EML5: variants seen among roughly 807,000 people sequenced by gnomAD.
EML5 encodes EMAP like 5.
Under a neutral mutation model 250.0 loss-of-function variants are expected in EML5, and 120 were observed. The observed-to-expected ratio is 0.48, with a 90% CI of 0.41 to 0.56. The LOEUF is 0.56. Among genes scored for constraint, EML5 ranks in the 20% least tolerant of loss-of-function variants. EML5 has a pLI of 0.00. For missense variants in EML5, 2,006 were observed against 2,437.6 expected (o/e 0.82, Z 3.73); for synonymous variants, 771 against 806.5 (o/e 0.96, Z 0.75).
At chr14:88,692,287 GAA>G (rs1226221873) in intron 17 of EML5, among the ~76,000 whole-genome samples, 11 of 152,092 alleles carry the variant, frequency 7.2e-5, no homozygotes, top group East Asian at 3.9e-4. Flanking sequence ...TGAGGCAGGA[GAA>G]TCACTTGAAC....
At chr14:88,677,266 CT>C (rs2092616374) in intron 21 of EML5, among the ~76,000 whole-genome samples, 1 of 152,100 alleles carries the variant, frequency 6.6e-6, no homozygotes, top group Admixed American at 6.6e-5. Context: ...AAAATTGAAG[CT>C]GGACCCCTTC....
chr14:88,739,536 C>G (rs973479600), intron 5 of EML5, among the ~76,000 whole-genome samples: 5 of 151,906 alleles, frequency 3.3e-5, no homozygotes, highest in Admixed American at 6.5e-5. Context: ...TATACATGAA[C>G]TTAAAAAATA....
chr14:88,781,212 T>A (rs1217396043), intron 1 of EML5, among the ~76,000 whole-genome samples: 1 of 152,168 alleles, frequency 6.6e-6, no homozygotes, highest in Non-Finnish European at 1.5e-5. Context: ...AAGTGATAAA[T>A]CCTTTTGTCT....
intron 30 of EML5, among the ~76,000 whole-genome samples, chr14:88,643,759 A>C (rs535033709): frequency 6.6e-6 from 1 of 152,248 alleles, no homozygotes; most frequent in Non-Finnish European, 1.5e-5. Flanking sequence ...AACTAAGTAT[A>C]CTGTCTCTGA....
chr14:88,721,001 A>C (rs911893536), intron 8 of EML5, among the ~76,000 whole-genome samples: 5 of 152,176 alleles, frequency 3.3e-5, no homozygotes, highest in African/African-American at 1.2e-4. Flanking sequence ...CAGAGAGCTA[A>C]ATTATGAATG....
chr14:88,634,966 G>A (rs1344506967), intron 32 of EML5, among the ~76,000 whole-genome samples: 1 of 152,028 alleles, frequency 6.6e-6, no homozygotes, highest in Non-Finnish European at 1.5e-5. Flanking sequence ...TAAACCTTCT[G>A]AGCTGAGAGA....
Position 88,781,060 on chromosome 14 carries a change from A to T in EML5, c.197+11247T>A, listed in dbSNP as rs1432097315. ...AGGTTTGTTTGCAGTCTATTATAAAAGATTCAGTTTCCCTAAACTCCAGGT... is the reference window on the plus strand; with the variant it reads ...AGGTTTGTTTGCAGTCTATTATAAATGATTCAGTTTCCCTAAACTCCAGGT... On this transcript the variant is annotated intron_variant, in intron 1 of 43. Coordinates refer to ENST00000554922, the MANE Select transcript of EML5 (RefSeq NM_183387.3). Among the ~76,000 whole-genome samples the T allele has an allele frequency of 2.0e-5, 3 of 152,242 alleles. No individual in the cohort carries two copies. The East Asian group carries it at 5.8e-4, about 29-fold the overall frequency.
In EML5 at chr14:88,714,575, A is replaced by T. The variant is rs188384425; in HGVS notation, c.1444+364T>A. Among the ~76,000 whole-genome samples the T allele has an allele frequency of 5.9e-4, 90 of 152,270 alleles. 1 individual carries two copies. The East Asian group carries it at 0.015, about 26-fold the overall frequency. On this transcript the variant is annotated intron_variant, in intron 9 of 43. Coordinates refer to ENST00000554922, the MANE Select transcript of EML5 (RefSeq NM_183387.3). The stretch of plus-strand genomic sequence containing the variant: ...TCACCACACACACACAAAAATGGTA[A>T]CTGTGAAGTGGCAGATACATCATTT...
At position 88,693,780 on chromosome 14, in the gene EML5, T is replaced by G. The variant is rs1042332104; in HGVS notation, c.2539+527A>C. On this transcript the variant is annotated intron_variant, in intron 17 of 43. Coordinates refer to ENST00000554922, the MANE Select transcript of EML5 (RefSeq NM_183387.3). Reference sequence around the variant, plus strand: ...GTTAACATCTTTTTTTTTTTTTTTTTTTTTTTTTCGAGACAAGTTCTTGCT... The same window carrying G: ...GTTAACATCTTTTTTTTTTTTTTTTGTTTTTTTTCGAGACAAGTTCTTGCT... Among the ~76,000 whole-genome samples, 44 of 143,470 alleles carry G rather than the reference T, an allele frequency of 3.1e-4. 1 individual carries two copies. The highest frequency in any genetic ancestry group is 1.1e-3 in the African/African-American group (42 of 38,300). The allele number at this position is 143,470 out of a possible 152,430, so 94.1% of individuals were successfully genotyped here.
chr14:88,792,655 GGCC>G lies in EML5; in HGVS notation c.-155_-153del. ...CCCGTCAGGTGCATCTCGTTTCGGG[GGCC>G]GCCGCCGCCTCAGCCCACAGGCGGG... On this transcript the variant is annotated 5_prime_UTR_variant, in exon 1 of 44. Coordinates refer to ENST00000554922, the MANE Select transcript of EML5 (RefSeq NM_183387.3). This position sits in a 1 kb window ranked among gnomAD's most constrained non-coding sequence, Gnocchi z 6.9. 2 of 1,150,524 alleles carry G rather than the reference GGCC, an allele frequency of 1.7e-6. No individual in the cohort carries two copies. The highest frequency in any genetic ancestry group is 2.1e-6 in the Non-Finnish European group (2 of 936,940). The allele number at this position is 1,150,524 out of a possible 1,614,324, so 71.3% of individuals were successfully genotyped here.
At position 88,705,489 on chromosome 14, in the gene EML5, C is replaced by T. The variant is rs372843421; in HGVS notation, c.1925G>A (p.Arg642His). 12 of 1,597,166 alleles carry T rather than the reference C, an allele frequency of 7.5e-6. No individual in the cohort carries two copies. In the Middle Eastern group the frequency reaches 5.0e-4, roughly 66 times the overall value. Residue 642 changes from arginine to histidine, a missense_variant, in exon 12 of 44, where the codon CGT (arginine) becomes CAT (histidine). Arg to His is a conservative substitution (Grantham distance 29). Around this residue, in one of 7 missense-constraint regions of EML5, gnomAD observed 1,375 missense variants for 1,590.3 expected, o/e 0.86. Transcript: ENST00000554922. ...TGTGATATGGAAAATTACCTGTCGA[C>T]GGTAGGTGAGCTGTGTCTCTTGTTC... ...EIEQETQLTY[R>H]RQVYKEDLPQ...
chr14:88,630,451 C>G (rs989243463), intron 33 of EML5, among the ~76,000 whole-genome samples: 1 of 152,146 alleles, frequency 6.6e-6, no homozygotes, highest in Admixed American at 6.5e-5. Flanking sequence ...CCATTACATC[C>G]TTTCTTCCTA....
chr14:88,682,042 A>G lies in EML5; in HGVS notation c.2983-11T>C. On this transcript the variant is annotated splice_polypyrimidine_tract_variant and intron_variant, in intron 20 of 43. Coordinates refer to ENST00000554922, the MANE Select transcript of EML5 (RefSeq NM_183387.3). ...TCCTTCCATGTGTCCCTATAAAGAA[A>G]ACATAGGATCAATTTAGTGTATGTG... 1 of 1,581,482 alleles carries G rather than the reference A, an allele frequency of 6.3e-7. No individual in the cohort carries two copies. The highest frequency in any genetic ancestry group is 8.6e-7 in the Non-Finnish European group (1 of 1,168,248).
chr14:88,744,805 A>T (rs1254211242), intron 3 of EML5, among the ~76,000 whole-genome samples: 1 of 152,030 alleles, frequency 6.6e-6, no homozygotes, highest in Non-Finnish European at 1.5e-5. Flanking sequence ...CACCTTATCA[A>T]CCTACCTCTA....
At chr14:88,695,847 T>C (rs2093066382) in intron 15 of EML5, among the ~76,000 whole-genome samples, 1 of 152,128 alleles carries the variant, frequency 6.6e-6, no homozygotes, top group South Asian at 2.1e-4. Flanking sequence ...TGAGTAATTA[T>C]GAAAAGTTAA....
rs1298937441 is a variant in EML5 at position 88,792,314 on chromosome 14, T to C, written c.190A>G (p.Ile64Val). The C allele has an allele frequency of 1.9e-6, 3 of 1,556,534 alleles. No individual in the cohort carries two copies. Among genetic ancestry groups the C allele is most frequent in the South Asian group, 2.4e-5 (2 of 84,324 alleles). Residue 64 changes from isoleucine to valine, a missense_variant, in exon 1 of 44, where the codon ATC becomes GTC. Physicochemically the swap from Ile to Val is conservative, Grantham distance 29. This residue lies in a region of EML5 where 162 missense variants were observed against 212.2 expected (regional missense o/e 0.76). Transcript: ENST00000554922. This position sits in a 1 kb window ranked among gnomAD's most constrained non-coding sequence, Gnocchi z 6.9. Reference sequence around the variant, plus strand: ...GCCCCCGCTCCCCGGTACCTGATGATGTCGTCGCTGTGGCCCCGGTAGAAC... The same window carrying C: ...GCCCCCGCTCCCCGGTACCTGATGACGTCGTCGCTGTGGCCCCGGTAGAAC... ...QKFYRGHSDD[I>V]ISLALHPERV... is the part of the protein sequence containing the mutation.
At chr14:88,703,188 A>G (rs1199516602) in intron 13 of EML5, among the ~76,000 whole-genome samples, 2 of 152,222 alleles carry the variant, frequency 1.3e-5, no homozygotes, top group African/African-American at 2.4e-5. Flanking sequence ...TACCATTTAC[A>G]TAAGTATAAT....
intron 29 of EML5, among the ~76,000 whole-genome samples, chr14:88,645,913 T>C (rs921119579): frequency 1.3e-5 from 2 of 152,210 alleles, no homozygotes; most frequent in African/African-American, 4.8e-5. Context: ...TATATTGAGT[T>C]CACATTTTGA....
At chr14:88,700,039 G>A (rs2093172703) in intron 14 of EML5, among the ~76,000 whole-genome samples, 2 of 152,018 alleles carry the variant, frequency 1.3e-5, no homozygotes, top group Admixed American at 6.6e-5. Context: ...GTGAGCTCCC[G>A]ATAGTGGCAG....
Sources: gnomAD v4.1 joint callset for allele counts (sites outside exome capture counted in the v4.1 genomes callset) on GRCh38, gnomAD v4.1.1 for gene constraint, gnomAD v4.1.1 regional missense constraint, Gnocchi (gnomAD v3.1) non-coding constraint, MANE v1.5 for transcripts, NCBI Gene and HGNC (gene_info 2026-07-23, HGNC 2026-07-21) for gene names.